The following MOV10L1 variants were observed in gnomAD, a reference collection of about 807,000 sequenced individuals.
MOV10L1 encodes the protein Mov10 like RNA helicase 1, also known as RNA helicase Mov10l1.
In MOV10L1, 110 loss-of-function variants were observed where a neutral mutation model predicts 143.8. The observed-to-expected ratio is 0.76, with a 90% CI of 0.66 to 0.90. MOV10L1 has a LOEUF of 0.90. Among genes scored for constraint, MOV10L1 ranks in the 40% least tolerant of loss-of-function variants. MOV10L1 has a pLI of 0.00. For synonymous variants in MOV10L1, 593 were observed against 581.1 expected (o/e 1.02, Z -0.29); for missense variants, 1,406 against 1,526.8 (o/e 0.92, Z 1.32).
chr22:50,146,404 G>A (rs1283023029), intron 19 of MOV10L1, among the ~76,000 whole-genome samples: 1 of 152,072 alleles, frequency 6.6e-6, no homozygotes, highest in Non-Finnish European at 1.5e-5. Flanking sequence ...CTGGGGGCTG[G>A]GAGGAAGAGC....
intron 2 of MOV10L1, among the ~76,000 whole-genome samples, 161 bp from the exon 3 acceptor site, chr22:50,099,282 C>A (rs988610037): frequency 6.6e-6 from 1 of 152,192 alleles, no homozygotes; most frequent in Non-Finnish European, 1.5e-5. Flanking sequence ...AGGAAGACAC[C>A]GACGGTATAC....
chr22:50,090,686 G>A, intron 1 of MOV10L1: 1 of 816,712 alleles, frequency 1.2e-6, no homozygotes, highest in Non-Finnish European at 2.0e-6. Context: ...TTGTGTGTGT[G>A]TGTGTGTGAG....
chr22:50,092,085 C>G lies in MOV10L1; in HGVS notation c.182C>G (p.Ser61Cys), dbSNP rs751219509. The G allele has an allele frequency of 6.2e-7, 1 of 1,614,126 alleles. No individual in the cohort carries two copies. Among genetic ancestry groups the G allele is most frequent in the Non-Finnish European group, 8.5e-7 (1 of 1,180,012 alleles). Residue 61 changes from serine (S) to cysteine (C), a missense_variant, in exon 2 of 27, where the codon TCC becomes TGC. Coordinates refer to ENST00000262794, the MANE Select transcript of MOV10L1 (RefSeq NM_018995.3). ...YGMIDDMIYF[S>C]SDAVTSRVLL... ...ATGATTGATGATATGATCTACTTCT[C>G]CAGTGATGCTGTGACTAGCAGAGTG... is the stretch of plus-strand genomic sequence containing the variant.
chr22:50,153,277 G>T (rs1602356209), intron 22 of MOV10L1, 59 bp downstream of exon 22: 1 of 1,521,358 alleles, frequency 6.6e-7, no homozygotes, highest in Non-Finnish European at 9.0e-7. Context: ...ATGGCAGGAG[G>T]TCCTTCCTCC....
At chr22:50,160,408 A>G (rs1187178328) in intron 24 of MOV10L1, among the ~76,000 whole-genome samples, 83 of 149,842 alleles carry the variant, frequency 5.5e-4, no homozygotes, top group African/African-American at 2.0e-3. Flanking sequence ...CACCACGCCC[A>G]GCTAATTTTT....
intron 13 of MOV10L1, among the ~76,000 whole-genome samples, chr22:50,132,061 G>A (rs567527984): frequency 6.6e-6 from 1 of 152,286 alleles, no homozygotes; most frequent in African/African-American, 2.4e-5. Flanking sequence ...GTGCTCCCTT[G>A]TGTAAGGGCA....
At chr22:50,147,047 C>T in intron 19 of MOV10L1, 3 of 1,551,992 alleles carry the variant, frequency 1.9e-6, no homozygotes, top group South Asian at 2.4e-5. Flanking sequence ...GTTGATGAGT[C>T]AAAGGTCAAG....
At chr22:50,156,133 T>A (rs1330711610) in intron 22 of MOV10L1, among the ~76,000 whole-genome samples, 1 of 151,928 alleles carries the variant, frequency 6.6e-6, no homozygotes, top group African/African-American at 2.4e-5. Context: ...TTTTTTTTTT[T>A]AGACAGTTGT....
intron 9 of MOV10L1, among the ~76,000 whole-genome samples, chr22:50,119,540 C>T (rs1176688747): frequency 6.6e-6 from 1 of 151,956 alleles, no homozygotes; most frequent in Non-Finnish European, 1.5e-5. Context: ...TTTTGTTAAT[C>T]CAGCGTGTCT....
At chr22:50,124,126 T>C (rs1233124053) in intron 10 of MOV10L1, among the ~76,000 whole-genome samples, 1 of 152,128 alleles carries the variant, frequency 6.6e-6, no homozygotes, top group Non-Finnish European at 1.5e-5. Context: ...GTTCTCTCTT[T>C]TGTTCATCTC....
intron 5 of MOV10L1, among the ~76,000 whole-genome samples, chr22:50,110,669 G>A (rs1415049096): frequency 5.3e-5 from 8 of 152,166 alleles, no homozygotes; most frequent in South Asian, 2.1e-4. Context: ...AGTGGCTCAC[G>A]CCTGTAATCC....
intron 2 of MOV10L1, chr22:50,093,202 CAT>C (rs1408128732): frequency 6.6e-6 from 1 of 152,074 alleles, no homozygotes; most frequent in Non-Finnish European, 1.5e-5. Context: ...CGCCCGGCCT[CAT>C]GTTTTTTCTA....
chr22:50,134,794 C>T (rs3736691), intron 15 of MOV10L1, among the ~76,000 whole-genome samples, 164 bp downstream of exon 15: 34,169 of 152,048 alleles, frequency 0.22, 4,202 homozygotes, highest in Admixed American at 0.35. Context: ...GGAGTATTAG[C>T]GCTTAGTTGA....
chr22:50,138,364 G>A (rs1018377950), intron 15 of MOV10L1, among the ~76,000 whole-genome samples: 5 of 152,062 alleles, frequency 3.3e-5, no homozygotes, highest in Non-Finnish European at 7.4e-5. Flanking sequence ...AGAACAGCCT[G>A]GGCAACATGC....
intron 15 of MOV10L1, among the ~76,000 whole-genome samples, chr22:50,141,495 A>ATTTTTTTTTTTTTTTTTTTTTTTTT (rs56881561): frequency 7.2e-6 from 1 of 138,148 alleles, no homozygotes; most frequent in Non-Finnish European, 1.6e-5. Flanking sequence ...TGCCCGGCTA[A>ATTTTTTTTTTTTTTTTTTTTTTTTT]TTTTTTTTTT....
intron 12 of MOV10L1, among the ~76,000 whole-genome samples, chr22:50,126,626 T>C (rs903176393): frequency 6.6e-6 from 1 of 152,120 alleles, no homozygotes; most frequent in Non-Finnish European, 1.5e-5. Flanking sequence ...GTGAAGGTGG[T>C]TTTTTTGGCT....
intron 1 of MOV10L1, 28 bp downstream of exon 1, chr22:50,090,213 G>C: frequency 7.1e-7 from 1 of 1,409,632 alleles, no homozygotes; most frequent in Non-Finnish European, 9.2e-7. Context: ...GCTGGGAGGC[G>C]GGTCCCGGGC....
chr22:50,108,718 T>C lies in MOV10L1; in HGVS notation c.617T>C (p.Leu206Ser). 1 of 1,614,190 alleles carries C rather than the reference T, an allele frequency of 6.2e-7. No individual in the cohort carries two copies. The highest frequency in any genetic ancestry group is 8.5e-7 in the Non-Finnish European group (1 of 1,180,026). The stretch of plus-strand genomic sequence containing the variant: ...TTAGAGGAAAGCATCTTCTTTACCT[T>C]GGACTCCTTGAAACTGCCAGATGGG... ...GVLEESIFFTLDSLKLPDGYT... is the reference protein window; with the variant it reads ...GVLEESIFFTSDSLKLPDGYT... Residue 206 changes from leucine to serine, a missense_variant, in exon 5 of 27, where the codon TTG (leucine) becomes TCG (serine). By Grantham distance (145) the Leu-to-Ser change is moderately radical. Transcript: ENST00000262794.
intron 3 of MOV10L1, among the ~76,000 whole-genome samples, chr22:50,100,888 A>G (rs1483884612): frequency 1.3e-5 from 2 of 152,212 alleles, no homozygotes; most frequent in African/African-American, 4.8e-5. Context: ...TGTCGATGTC[A>G]TTGACTGAGC....
Sources: allele counts gnomAD v4.1 joint callset (sites outside exome capture counted in the v4.1 genomes callset), GRCh38; gene constraint gnomAD v4.1.1; transcripts MANE v1.5; gene names NCBI Gene and HGNC (gene_info 2026-07-23, HGNC 2026-07-21).